Variants in NTRK3 observed in about 807,000 individuals in gnomAD.
NTRK3 encodes neurotrophic receptor tyrosine kinase 3, also known as NT-3 growth factor receptor.
A neutral mutation model predicts 91.7 loss-of-function variants in NTRK3; 24 were observed. That is an observed-to-expected ratio of 0.26 (90% confidence interval 0.19 to 0.37). The LOEUF (loss-of-function observed/expected upper bound fraction) is 0.37. Ranked by LOEUF, NTRK3 falls within the 10% of genes least tolerant of loss-of-function variation. The probability of loss-of-function intolerance (pLI) is 1.00; values close to 1 mark genes in which losing one functional copy is unlikely to be tolerated. For missense variants in NTRK3, 880 were observed against 1,068.9 expected, an observed-to-expected ratio of 0.82 and a Z score of 2.46; for synonymous variants, 483 against 404.0, an observed-to-expected ratio of 1.20 and a Z score of -2.34.
chr15:88,084,263 C>T (rs902335699), intron 13 of NTRK3, among the ~76,000 whole-genome samples: 10 of 152,138 alleles, frequency 6.6e-5, no homozygotes, highest in African/African-American at 2.4e-4. Context: ...CCTCACTCCC[C>T]TGCACCCCAA....
intron 17 of NTRK3, among the ~76,000 whole-genome samples, chr15:87,892,035 C>T (rs1251955377): frequency 6.6e-6 from 1 of 151,706 alleles, no homozygotes; most frequent in Non-Finnish European, 1.5e-5. Context: ...AAATTAAATG[C>T]AGAGCCCCTG....
chr15:87,922,503 G>C (rs139743898), intron 17 of NTRK3, among the ~76,000 whole-genome samples: 1 of 152,236 alleles, frequency 6.6e-6, no homozygotes, highest in African/African-American at 2.4e-5. Flanking sequence ...ATTCATTTCA[G>C]TAAAGTCAAT....
chr15:87,861,241 T>A (rs2064515483), exon 19 of NTRK3: 1 of 218,466 alleles, frequency 4.6e-6, no homozygotes, highest in South Asian at 1.8e-4. Flanking sequence ...GGAGGGGGGA[T>A]GGAAATCAGT....
chr15:88,207,729 G>T (rs930066842), intron 3 of NTRK3, among the ~76,000 whole-genome samples: 1 of 151,564 alleles, frequency 6.6e-6, no homozygotes, highest in Non-Finnish European at 1.5e-5. Context: ...ATAAGCCAAG[G>T]CCCCTCCTGG....
At chr15:88,062,411 C>T (rs546256132) in intron 13 of NTRK3, among the ~76,000 whole-genome samples, 6 of 152,314 alleles carry the variant, frequency 3.9e-5, no homozygotes, top group African/African-American at 1.4e-4. Flanking sequence ...TTTCCCACCT[C>T]CCCTTGCAGC....
chr15:88,138,940 G>C (rs551840892), intron 6 of NTRK3, among the ~76,000 whole-genome samples: 5 of 152,216 alleles, frequency 3.3e-5, no homozygotes, highest in Admixed American at 3.3e-4. Flanking sequence ...GAGACTGACT[G>C]ACTGTCCCTG....
Position 88,243,226 on chromosome 15 carries a change from C to CCT in NTRK3, c.248+12678_248+12679dup, listed in dbSNP as rs2052529619. Among the ~76,000 whole-genome samples, 1 of 152,148 alleles carries CCT rather than the reference C, an allele frequency of 6.6e-6. No individual in the cohort carries two copies. Among genetic ancestry groups the CCT allele is most frequent in the South Asian group, 2.1e-4 (1 of 4,824 alleles). Reference sequence around the variant, plus strand: ...CCCTCCCCACTTCTTATGTTATTTCCCTCTCTGTGTCTTATCGCCACATTT... The same window carrying CCT: ...CCCTCCCCACTTCTTATGTTATTTCCCTCTCTCTGTGTCTTATCGCCACATTT... On this transcript the variant is annotated intron_variant, in intron 3 of 18. Coordinates refer to ENST00000394480, the Ensembl canonical transcript of NTRK3. The surrounding 1 kb of genome is among the most constrained non-coding windows in gnomAD (Gnocchi z 4.8).
In NTRK3 at chr15:88,235,368, C is replaced by A. The variant is rs1423186861; in HGVS notation, c.248+20538G>T. ...CTGGACCCACGCAGTCAGTACCCTG[C>A]CGCAGACAGTGGACACTCACTGGTC... On this transcript the variant is annotated intron_variant, in intron 3 of 18. Coordinates refer to ENST00000394480, the Ensembl canonical transcript of NTRK3. The surrounding 1 kb of genome is among the most constrained non-coding windows in gnomAD (Gnocchi z 5.2). Among the ~76,000 whole-genome samples, 3 of 152,204 alleles carry A rather than the reference C, an allele frequency of 2.0e-5. No homozygotes were observed. Among genetic ancestry groups the A allele is most frequent in the South Asian group, 2.1e-4 (1 of 4,832 alleles).
intron 5 of NTRK3, among the ~76,000 whole-genome samples, chr15:88,176,983 T>A (rs1320994168): frequency 6.6e-6 from 1 of 152,110 alleles, no homozygotes; most frequent in Non-Finnish European, 1.5e-5. Context: ...TTTGGGTGAA[T>A]GATGAGAAGG....
intron 13 of NTRK3, among the ~76,000 whole-genome samples, chr15:88,071,863 C>T (rs931944903): frequency 3.3e-5 from 5 of 152,162 alleles, no homozygotes; most frequent in Non-Finnish European, 5.9e-5. Flanking sequence ...TACTCCTTGC[C>T]TCTGTCCAGC....
chr15:87,988,229 C>A (rs1234675332), intron 14 of NTRK3, among the ~76,000 whole-genome samples: 1 of 152,080 alleles, frequency 6.6e-6, no homozygotes, highest in African/African-American at 2.4e-5. Context: ...AACTGACAGC[C>A]AAAATTGAGA....
intron 13 of NTRK3, among the ~76,000 whole-genome samples, chr15:88,069,170 T>C (rs1219697754): frequency 2.0e-5 from 3 of 152,194 alleles, no homozygotes; most frequent in Non-Finnish European, 4.4e-5. Context: ...CATGAAACTT[T>C]AGGACAACCT....
chr15:88,176,732 T>C (rs2046031986), intron 5 of NTRK3, among the ~76,000 whole-genome samples: 1 of 152,154 alleles, frequency 6.6e-6, no homozygotes, highest in South Asian at 2.1e-4. Context: ...ATAACAGGCA[T>C]TGTTCTGAGT....
intron 3 of NTRK3, among the ~76,000 whole-genome samples, chr15:88,212,700 T>TCACACACACACA (rs60620542): frequency 2.7e-4 from 39 of 146,216 alleles, no homozygotes; most frequent in African/African-American, 7.6e-4. Flanking sequence ...GGCTGCTGCA[T>TCACACACACACA]CACACACACA....
intron 14 of NTRK3, among the ~76,000 whole-genome samples, chr15:87,975,835 G>A (rs568875602): frequency 1.8e-4 from 28 of 152,226 alleles, no homozygotes; most frequent in Non-Finnish European, 3.4e-4. Flanking sequence ...ACAAGGCCTT[G>A]CCTCATTCTT....
chr15:88,198,749 C>G (rs966572399), intron 3 of NTRK3, among the ~76,000 whole-genome samples: 3 of 152,212 alleles, frequency 2.0e-5, no homozygotes, highest in African/African-American at 7.2e-5. Flanking sequence ...CTCCTTGAAG[C>G]TGGGACCAGG....
chr15:88,050,044 T>G (rs2080664386), intron 13 of NTRK3, among the ~76,000 whole-genome samples: 1 of 152,202 alleles, frequency 6.6e-6, no homozygotes, highest in Non-Finnish European at 1.5e-5. Context: ...CACATAATAG[T>G]ATCTTTGTTG....
intron 5 of NTRK3, among the ~76,000 whole-genome samples, chr15:88,178,772 G>T (rs1168034246): frequency 6.6e-6 from 1 of 152,200 alleles, no homozygotes; most frequent in Non-Finnish European, 1.5e-5. Flanking sequence ...GTCATTATAG[G>T]ATTTGACCTG....
chr15:88,031,017 C>T (rs767845903), intron 14 of NTRK3, among the ~76,000 whole-genome samples: 1 of 152,060 alleles, frequency 6.6e-6, no homozygotes, highest in Non-Finnish European at 1.5e-5. Flanking sequence ...CTGTGATGTG[C>T]CTCACAGAAA....
Sources: allele counts gnomAD v4.1 joint callset (sites outside exome capture counted in the v4.1 genomes callset), GRCh38; gene constraint gnomAD v4.1.1; non-coding constraint Gnocchi (gnomAD v3.1); transcripts MANE v1.5; gene names NCBI Gene and HGNC (gene_info 2026-07-23, HGNC 2026-07-21).